The following ELSPBP1 variants were observed in gnomAD, a reference collection of about 807,000 sequenced individuals.
The protein encoded by ELSPBP1 is epididymal sperm binding protein 1, also known as epididymal sperm-binding protein 1.
In ELSPBP1, 38 loss-of-function variants were observed where a neutral mutation model predicts 33.3. The observed-to-expected ratio is 1.14, with a 90% CI of 0.88 to 1.50. The LOEUF (loss-of-function observed/expected upper bound fraction) is 1.50, where lower values mean the gene tolerates loss of function less well. Among genes scored for constraint, ELSPBP1 ranks in the 40% most tolerant of loss-of-function variants. The pLI, the probability that ELSPBP1 is intolerant of heterozygous loss-of-function variation, is 0.00. For synonymous variants in ELSPBP1, 85 were observed against 94.1 expected, an observed-to-expected ratio of 0.90 and a Z score of 0.56; for missense variants, 267 against 263.5, an observed-to-expected ratio of 1.01 and a Z score of -0.09.
At chr19:48,001,346 A>ATT (rs67597303) in intron 1 of ELSPBP1, among the ~76,000 whole-genome samples, 1,548 of 144,704 alleles carry the variant, frequency 0.011, 22 homozygotes, top group East Asian at 0.069. Context: ...CACCCAGCTA[A>ATT]TTTTTTTTTT....
chr19:48,000,724 T>C (rs1034573416), intron 1 of ELSPBP1, among the ~76,000 whole-genome samples: 2 of 152,308 alleles, frequency 1.3e-5, no homozygotes, highest in African/African-American at 2.4e-5. Context: ...CGTGTGTCCA[T>C]GGAGCCACAC....
chr19:48,019,527 G>A (rs922911864), intron 4 of ELSPBP1, among the ~76,000 whole-genome samples, 192 bp from the exon 5 acceptor site: 1 of 152,180 alleles, frequency 6.6e-6, no homozygotes, highest in African/African-American at 2.4e-5. Context: ...ACAGTAAGCT[G>A]TGCACGAGTT....
At chr19:47,996,694 T>TGATG (rs972289128) in intron 1 of ELSPBP1, among the ~76,000 whole-genome samples, 2 of 151,798 alleles carry the variant, frequency 1.3e-5, no homozygotes, top group African/African-American at 4.8e-5. Flanking sequence ...AAGGGATGGT[T>TGATG]GATGGATGGA....
chr19:48,014,749 C>G (rs1019403304), intron 3 of ELSPBP1, among the ~76,000 whole-genome samples: 2 of 141,724 alleles, frequency 1.4e-5, no homozygotes, highest in Non-Finnish European at 3.1e-5. Context: ...TTAATTTCCA[C>G]AAATAAAAAA....
intron 3 of ELSPBP1, among the ~76,000 whole-genome samples, chr19:48,015,588 G>T (rs935079611): frequency 2.0e-5 from 3 of 152,128 alleles, no homozygotes; most frequent in African/African-American, 7.2e-5. Flanking sequence ...AACCCAAGAG[G>T]CAGAGGTTGC....
At chr19:48,008,819 T>A in intron 2 of ELSPBP1, 82 bp downstream of exon 2, 1 of 1,274,394 alleles carries the variant, frequency 7.8e-7, no homozygotes, top group Non-Finnish European at 1.1e-6. Flanking sequence ...TGGAACTAAG[T>A]AGGCAGGAGA....
intron 2 of ELSPBP1, among the ~76,000 whole-genome samples, chr19:48,009,072 G>T (rs1243195311): frequency 1.3e-5 from 2 of 150,936 alleles, no homozygotes; most frequent in Non-Finnish European, 2.9e-5. Context: ...GGAGGTGGAG[G>T]TTGCAGTGAG....
Position 48,014,260 on chromosome 19 carries a change from G to T in ELSPBP1, c.160G>T (p.Ala54Ser), listed in dbSNP as rs1967107344. ...TATTCATAGCTTATCCCCTTGGTGT[G>T]CCACCAGAGCCGTGTACAACGGCCA... Reference protein sequence around the residue: ...THIHSLSPWCATRAVYNGQWK... With the variant: ...THIHSLSPWCSTRAVYNGQWK... The change falls in exon 3 of 7, where the codon GCC becomes TCC. Residue 54 changes from alanine (A) to serine (S), a missense_variant. Ala to Ser is a moderately conservative substitution (Grantham distance 99). Transcript: ENST00000339841. The T allele has an allele frequency of 6.2e-7, 1 of 1,613,912 alleles. No homozygotes were observed. The highest frequency in any genetic ancestry group is 1.3e-5 in the African/African-American group (1 of 74,900).
chr19:48,002,906 A>G lies in ELSPBP1; in HGVS notation c.-17-5745A>G, dbSNP rs146191054. Among the ~76,000 whole-genome samples, 5 of 152,348 alleles carry G rather than the reference A, an allele frequency of 3.3e-5. No individual in the cohort carries two copies. The East Asian group carries it at 9.6e-4, about 29-fold the overall frequency. The stretch of plus-strand genomic sequence containing the variant: ...GTGCTTTCCAGCATCTGCTGCATGT[A>G]TAAGATCCCAAGGTGGAGTTTATTC... On this transcript the variant is annotated intron_variant, in intron 1 of 6. Coordinates refer to ENST00000339841, the MANE Select transcript of ELSPBP1 (RefSeq NM_022142.5).
At chr19:48,013,330 T>C (rs1291677959) in intron 2 of ELSPBP1, among the ~76,000 whole-genome samples, 1 of 152,212 alleles carries the variant, frequency 6.6e-6, no homozygotes, top group East Asian at 1.9e-4. Flanking sequence ...CTGGATATGC[T>C]CTGACATGTC....
At chr19:48,022,530 G>A (rs1967213240) in intron 6 of ELSPBP1, among the ~76,000 whole-genome samples, 196 bp downstream of exon 6, 1 of 152,192 alleles carries the variant, frequency 6.6e-6, no homozygotes, top group Admixed American at 6.5e-5. Flanking sequence ...GGCTCCTGTT[G>A]TCAAAGATAA....
At chr19:47,997,615 C>T (rs1966923950) in intron 1 of ELSPBP1, among the ~76,000 whole-genome samples, 1 of 151,828 alleles carries the variant, frequency 6.6e-6, no homozygotes, top group African/African-American at 2.4e-5. Context: ...GACATGGTGT[C>T]CCACTCTGTT....
intron 1 of ELSPBP1, among the ~76,000 whole-genome samples, chr19:48,006,648 G>GAA (rs368044412): frequency 0.3 from 35,752 of 119,222 alleles, 5,386 homozygotes; most frequent in Middle Eastern, 0.37. Context: ...AAAAAAAAAA[G>GAA]AAAAGAAAAA....
intron 1 of ELSPBP1, among the ~76,000 whole-genome samples, chr19:48,000,637 G>T (rs531733327): frequency 2.0e-5 from 3 of 152,218 alleles, no homozygotes; most frequent in East Asian, 1.9e-4. Flanking sequence ...GCAGAAATTC[G>T]TATACAGGCT....
At chr19:48,012,196 G>A (rs1471361488) in intron 2 of ELSPBP1, among the ~76,000 whole-genome samples, 1 of 152,100 alleles carries the variant, frequency 6.6e-6, no homozygotes, top group East Asian at 1.9e-4. Flanking sequence ...TGCAATCATG[G>A]CTCACTGTGG....
intron 1 of ELSPBP1, among the ~76,000 whole-genome samples, chr19:48,008,289 G>A (rs541312146): frequency 6.6e-6 from 1 of 152,176 alleles, no homozygotes; most frequent in Non-Finnish European, 1.5e-5. Context: ...CTATAGTACA[G>A]TGGCACAATC....
rs1568409210 is a variant in ELSPBP1 at position 48,022,307 on chromosome 19, C to A, written c.652C>A (p.His218Asn). The A allele has an allele frequency of 6.2e-7, 1 of 1,612,490 alleles. No homozygotes were observed. The highest frequency in any genetic ancestry group is 1.1e-5 in the South Asian group (1 of 90,506). The change falls in exon 6 of 7, where the codon CAC becomes AAC. Residue 218 changes from histidine to asparagine, a missense_variant. By Grantham distance (68) the His-to-Asn change is moderately conservative (BLOSUM62 1). Transcript: ENST00000339841. The part of the protein sequence containing the change: ...CATSYNYDQD[H>N]TWVYC ...AACTTCTTACAACTACGACCAAGAC[C>A]ACACCTGGGTGTATTGCTGATGCTG...
chr19:48,016,162 C>T (rs2122323944), intron 4 of ELSPBP1, 123 bp downstream of exon 4: 1 of 1,157,326 alleles, frequency 8.6e-7, no homozygotes, highest in East Asian at 2.4e-5. Flanking sequence ...TTACAGGAGC[C>T]AAGTGTCTGC....
chr19:47,994,860 G>C (rs1416876533), intron 1 of ELSPBP1, 49 bp downstream of exon 1: 1 of 152,282 alleles, frequency 6.6e-6, no homozygotes, highest in African/African-American at 2.4e-5. Flanking sequence ...TGGGGTCTTA[G>C]GGCCCCCATA....
Sources: gnomAD v4.1 joint callset for allele counts (sites outside exome capture counted in the v4.1 genomes callset) on GRCh38, gnomAD v4.1.1 for gene constraint, MANE v1.5 for transcripts, NCBI Gene and HGNC (gene_info 2026-07-23, HGNC 2026-07-21) for gene names.